The following ASTL variants were observed in gnomAD, a reference collection of about 807,000 sequenced individuals.
The protein encoded by ASTL is astacin-like metalloendopeptidase.
ASTL carries 27 observed loss-of-function variants against 36.7 expected under a neutral mutation model. That is an observed-to-expected ratio of 0.73 (90% CI 0.54 to 1.01). ASTL has a LOEUF of 1.01. ASTL is among the 50% of genes least tolerant of loss of function. ASTL has a pLI of 0.00. For synonymous variants in ASTL, 222 were observed against 228.1 expected, an observed-to-expected ratio of 0.97 and a Z score of 0.24; for missense variants, 524 against 572.8, an observed-to-expected ratio of 0.91 and a Z score of 0.87.
intron 1 of ASTL, 55 bp from the exon 2 acceptor site, chr2:96,137,755 C>A (rs2104779971): frequency 6.4e-7 from 1 of 1,568,608 alleles, no homozygotes; most frequent in Non-Finnish European, 8.7e-7. Flanking sequence ...ACCGGTGAGA[C>A]CAGACAGCAG....
intron 2 of ASTL, among the ~76,000 whole-genome samples, chr2:96,136,076 T>A (rs1682293695): frequency 6.6e-6 from 1 of 152,144 alleles, no homozygotes. Flanking sequence ...CCCCTCTTAG[T>A]CCCTCTGCTT....
At chr2:96,133,645 T>C (rs1682233104) in intron 4 of ASTL, 103 bp from the exon 5 acceptor site, 1 of 867,656 alleles carries the variant, frequency 1.2e-6, no homozygotes, top group Admixed American at 1.9e-5. Flanking sequence ...CAAAATAGCA[T>C]CAAGAAAGGG....
chr2:96,123,810 C>A lies in ASTL; in HGVS notation c.*40G>T. ...AGGTAGACGACCCAGCTCCACTGGG[C>A]AGAGGATGCCCTCCCTACTTGGGGA... On this transcript the variant is annotated 3_prime_UTR_variant, in exon 9 of 9. Transcript: ENST00000342380. The A allele has an allele frequency of 6.4e-7, 1 of 1,567,086 alleles. No homozygotes were observed.
chr2:96,135,226 G>A, intron 3 of ASTL, 125 bp downstream of exon 3: 1 of 683,362 alleles, frequency 1.5e-6, no homozygotes. Context: ...TTGACAAAAA[G>A]AGGCATCTAC....
rs1336205409 is a variant in ASTL, at chr2:96,132,408, C to G, written c.637+132G>C. On this transcript the variant is annotated intron_variant, in intron 6 of 8. Transcript: ENST00000342380. This position sits in a 1 kb window ranked among gnomAD's most constrained non-coding sequence, Gnocchi z 5.4. ...AGGTACCAGACAGAAGTGAGACCCC[C>G]ACCTTCCCCACAGGAAGCAGGCAGG... The G allele has an allele frequency of 1.6e-5, 13 of 808,308 alleles. No individual in the cohort carries two copies. Among genetic ancestry groups the G allele is most frequent in the Non-Finnish European group, 1.9e-5 (10 of 529,324 alleles). 50.1% of individuals were successfully genotyped at this position (808,308 alleles called of 1,614,324 possible). A position where few individuals can be genotyped will look rare whatever the true frequency, so the allele number is the denominator to read the frequency against.
Position 96,137,667 on chromosome 2 carries a change from C to T in ASTL, c.89G>A (p.Cys30Tyr), listed in dbSNP as rs757124591. 38 of 1,613,580 alleles carry T rather than the reference C, an allele frequency of 2.4e-5. No individual in the cohort carries two copies. The highest frequency in any genetic ancestry group is 3.3e-5 in the Admixed American group (2 of 59,998). ...VILGAPLASS[C>Y]AGACGTSFPD... Reference sequence around the variant, plus strand: ...GAAGCTGGTACCACAGGCTCCTGCGCAGCTGGAGGCCAGGGGCGCTCCTAG... The same window carrying T: ...GAAGCTGGTACCACAGGCTCCTGCGTAGCTGGAGGCCAGGGGCGCTCCTAG... The change falls in exon 2 of 9, where the codon TGC becomes TAC. Residue 30 changes from cysteine to tyrosine, a missense_variant. Cys to Tyr is a radical substitution (Grantham distance 194, BLOSUM62 -2). Transcript: ENST00000342380.
intron 2 of ASTL, among the ~76,000 whole-genome samples, chr2:96,136,423 G>A (rs1176963300): frequency 6.6e-6 from 1 of 152,248 alleles, no homozygotes; most frequent in Non-Finnish European, 1.5e-5. Flanking sequence ...TGCTTCCCAG[G>A]AAAGCACTGG....
Position 96,132,353 on chromosome 2 carries a change from G to A in ASTL, c.637+187C>T, listed in dbSNP as rs1159790082. Among the ~76,000 whole-genome samples, 1 of 152,208 alleles carries A rather than the reference G, an allele frequency of 6.6e-6. No homozygotes were observed. The highest frequency in any genetic ancestry group is 1.9e-4 in the East Asian group (1 of 5,196). On this transcript the variant is annotated intron_variant, in intron 6 of 8. Coordinates refer to ENST00000342380, the MANE Select transcript of ASTL (RefSeq NM_001002036.4). This position sits in a 1 kb window ranked among gnomAD's most constrained non-coding sequence, Gnocchi z 5.4. ...GGTAGAGGAAGGCCTGGGGCCCAGAGCAGCACCCAGAGTACCACCTCCAGG... is the reference window on the plus strand; with the variant it reads ...GGTAGAGGAAGGCCTGGGGCCCAGAACAGCACCCAGAGTACCACCTCCAGG...
chr2:96,130,207 G>T, intron 6 of ASTL, 62 bp from the exon 7 acceptor site: 1 of 1,303,404 alleles, frequency 7.7e-7, no homozygotes, highest in Non-Finnish European at 1.1e-6. Context: ...GAAAGGGCAG[G>T]CAATGGCTGG....
In ASTL at chr2:96,123,559, C is replaced by A. The variant is rs1161965069; in HGVS notation, c.*291G>T. 1.3e-5 allele frequency among the ~76,000 whole-genome samples: 2 copies of A among 152,152 alleles called. No individual in the cohort carries two copies. Among genetic ancestry groups the A allele is most frequent in the African/African-American group, 4.8e-5 (2 of 41,434 alleles). ...CTTCCCCACCCCTTCCAGGACCTGT[C>A]CCTGGAGAATGTCACCTCCCATTCC... On this transcript the variant is annotated 3_prime_UTR_variant, in exon 9 of 9. Coordinates refer to ENST00000342380, the MANE Select transcript of ASTL (RefSeq NM_001002036.4).
chr2:96,137,489 G>A, intron 2 of ASTL, 86 bp downstream of exon 2: 3 of 1,473,510 alleles, frequency 2.0e-6, no homozygotes, highest in Non-Finnish European at 1.9e-6. Flanking sequence ...TTCCTCCCAG[G>A]CTCTGCATTT....
intron 8 of ASTL, among the ~76,000 whole-genome samples, chr2:96,126,459 A>G (rs983266184): frequency 8.5e-5 from 13 of 152,232 alleles, no homozygotes; most frequent in African/African-American, 3.1e-4. Context: ...ACTACTTCAC[A>G]CTCACTAGGC....
intron 1 of ASTL, among the ~76,000 whole-genome samples, chr2:96,138,000 C>A (rs1371126212): frequency 6.6e-6 from 1 of 152,178 alleles, no homozygotes; most frequent in Non-Finnish European, 1.5e-5. Context: ...CGGGTTCTGA[C>A]GCCCGTGACG....
intron 8 of ASTL, among the ~76,000 whole-genome samples, chr2:96,126,269 G>C (rs1682061665): frequency 6.6e-6 from 1 of 152,244 alleles, no homozygotes; most frequent in Admixed American, 6.5e-5. Flanking sequence ...GGCAACATCT[G>C]ATGAGGGACA....
intron 6 of ASTL, 124 bp from the exon 7 acceptor site, chr2:96,130,269 A>G: frequency 1.4e-6 from 1 of 738,462 alleles, no homozygotes; most frequent in Non-Finnish European, 2.4e-6. Flanking sequence ...CTGAGCCCAC[A>G]GCCACCATGC....
chr2:96,127,838 A>C (rs1041056436), intron 8 of ASTL, among the ~76,000 whole-genome samples: 6 of 152,096 alleles, frequency 3.9e-5, no homozygotes, highest in African/African-American at 1.4e-4. Context: ...AGCCTCCCAA[A>C]GTGCTGTGAT....
intron 6 of ASTL, among the ~76,000 whole-genome samples, chr2:96,131,276 C>CTA (rs4066789): frequency 0.37 from 56,292 of 151,818 alleles, 10,989 homozygotes; most frequent in East Asian, 0.63. Context: ...ATTGGCTTTT[C>CTA]TAGTCTTTCA....
At chr2:96,130,168 A>C in intron 6 of ASTL, 23 bp from the exon 7 acceptor site, 1 of 1,575,118 alleles carries the variant, frequency 6.3e-7, no homozygotes, top group Non-Finnish European at 8.7e-7. Context: ...AAACAATACA[A>C]CTTACTGATA....
rs577986927 is a variant in ASTL, at chr2:96,123,879, T to G, written c.1267A>C (p.Asn423His). The G allele has an allele frequency of 8.7e-6, 14 of 1,613,850 alleles. No homozygotes were observed. The Admixed American group carries it at 1.2e-4, about 13-fold the overall frequency. The change falls in exon 9 of 9, where the codon AAT (asparagine) becomes CAT (histidine). Residue 423 changes from asparagine to histidine, a missense_variant. By Grantham distance (68) the Asn-to-His change is moderately conservative (BLOSUM62 1). Transcript: ENST00000342380. ...PALPGGCVPR[N>H]HFKGMSED is the part of the protein sequence containing the mutation. ...TCTTCGGACATCCCCTTGAAATGAT[T>G]TCTAGGTACACAGCCCCCTGGCAGA... is the stretch of plus-strand genomic sequence containing the variant.
Sources: allele counts gnomAD v4.1 joint callset (sites outside exome capture counted in the v4.1 genomes callset), GRCh38; gene constraint gnomAD v4.1.1; non-coding constraint Gnocchi (gnomAD v3.1); transcripts MANE v1.5; gene names NCBI Gene and HGNC (gene_info 2026-07-23, HGNC 2026-07-21).